The following MAF variants were observed in gnomAD, a reference collection of about 807,000 sequenced individuals.
The protein encoded by MAF is transcription factor Maf.
MAF carries 10 observed loss-of-function variants against 22.0 expected under a neutral mutation model. That is an observed-to-expected ratio of 0.45 (90% confidence interval 0.28 to 0.77). MAF has a LOEUF of 0.77. MAF is among the 30% of genes least tolerant of loss of function. The pLI is 0.12. For missense variants in MAF, 544 were observed against 548.4 expected, an observed-to-expected ratio of 0.99 and a Z score of 0.08; for synonymous variants, 337 against 255.8, an observed-to-expected ratio of 1.32 and a Z score of -3.03.
chr16:79,283,249 A>G, the MAF span, among the ~76,000 whole-genome samples: 31,301 of 152,182 alleles, frequency 0.21, 4,431 homozygotes, highest in African/African-American at 0.41. Context: ...TTTAAACTCA[A>G]TGATGAACAA....
the MAF span, among the ~76,000 whole-genome samples, chr16:79,375,523 T>C: frequency 6.6e-6 from 1 of 152,096 alleles, no homozygotes; most frequent in Non-Finnish European, 1.5e-5. Flanking sequence ...GATATATTAA[T>C]GATGATGGTA....
At chr16:79,221,849 T>C in the MAF span, among the ~76,000 whole-genome samples, 1 of 152,242 alleles carries the variant, frequency 6.6e-6, no homozygotes, top group Non-Finnish European at 1.5e-5. Context: ...AGTTCTGTTA[T>C]TAAAAACAAT....
chr16:79,288,545 C>A, the MAF span, among the ~76,000 whole-genome samples: 1 of 152,288 alleles, frequency 6.6e-6, no homozygotes, highest in African/African-American at 2.4e-5. Context: ...GTGTGAATTC[C>A]TGACACGTGA....
chr16:79,210,137 C>T, the MAF span, among the ~76,000 whole-genome samples: 1 of 152,206 alleles, frequency 6.6e-6, no homozygotes, highest in Non-Finnish European at 1.5e-5. Flanking sequence ...TCACGGTCCA[C>T]ACCCCGCCCA....
At chr16:79,245,648 G>A in the MAF span, among the ~76,000 whole-genome samples, 4 of 152,156 alleles carry the variant, frequency 2.6e-5, no homozygotes, top group African/African-American at 9.6e-5. Context: ...AGACAGTGTG[G>A]CAATTCCTCA....
the MAF span, among the ~76,000 whole-genome samples, chr16:79,388,774 T>C: frequency 6.6e-6 from 1 of 152,232 alleles, no homozygotes; most frequent in African/African-American, 2.4e-5. Context: ...TTAGCACCAT[T>C]GCATTAGCCT....
At chr16:79,296,568 G>A in the MAF span, among the ~76,000 whole-genome samples, 1 of 151,902 alleles carries the variant, frequency 6.6e-6, no homozygotes, top group Admixed American at 6.6e-5. Flanking sequence ...TTCATAAATA[G>A]GCATTTCGGC....
At chr16:79,514,170 C>G in the MAF span, among the ~76,000 whole-genome samples, 1 of 152,236 alleles carries the variant, frequency 6.6e-6, no homozygotes, top group Non-Finnish European at 1.5e-5. Context: ...GGGAAATAAG[C>G]TCTTCCGGCT....
chr16:79,301,882 G>A, the MAF span, among the ~76,000 whole-genome samples: 3 of 152,208 alleles, frequency 2.0e-5, no homozygotes, highest in African/African-American at 7.2e-5. Flanking sequence ...TTACTAGTGG[G>A]GAAAGTGGCT....
At chr16:79,573,349 C>A in the MAF span, among the ~76,000 whole-genome samples, 1 of 152,170 alleles carries the variant, frequency 6.6e-6, no homozygotes. Context: ...TCTTCCATAT[C>A]CCAGATTAAA....
the MAF span, among the ~76,000 whole-genome samples, chr16:79,571,925 C>T: frequency 1.3e-5 from 2 of 152,168 alleles, no homozygotes; most frequent in African/African-American, 4.8e-5. Flanking sequence ...GCAAAATCTC[C>T]CCCTTTCTTT....
the MAF span, among the ~76,000 whole-genome samples, chr16:79,492,898 G>A: frequency 1.3e-5 from 2 of 152,152 alleles, no homozygotes; most frequent in East Asian, 3.9e-4. Context: ...GCTATGAAGG[G>A]GGTCTGCAGA....
chr16:79,595,907 T>G (rs764328092), intron 1 of MAF: 14 of 1,058,832 alleles, frequency 1.3e-5, no homozygotes, highest in Admixed American at 5.4e-5. Context: ...TTAAGACAAA[T>G]GATCTTCAGT....
chr16:79,242,507 T>A, the MAF span, among the ~76,000 whole-genome samples: 1 of 151,852 alleles, frequency 6.6e-6, no homozygotes, highest in Non-Finnish European at 1.5e-5. Context: ...GAGATAACTA[T>A]CCTAAATATA....
the MAF span, among the ~76,000 whole-genome samples, chr16:79,398,672 G>A: frequency 6.7e-6 from 1 of 150,114 alleles, no homozygotes; most frequent in African/African-American, 2.4e-5. Flanking sequence ...TTGACACAAG[G>A]CTCTCTGAGG....
chr16:79,396,253 C>G, the MAF span, among the ~76,000 whole-genome samples: 3 of 152,166 alleles, frequency 2.0e-5, no homozygotes, highest in African/African-American at 7.2e-5. Context: ...CATCCTGGAC[C>G]TACCCCAGTT....
chr16:79,251,808 G>A, the MAF span, among the ~76,000 whole-genome samples: 2 of 152,146 alleles, frequency 1.3e-5, no homozygotes, highest in Non-Finnish European at 2.9e-5. Flanking sequence ...TCTATTCTCC[G>A]ATTTGCCTGG....
the MAF span, among the ~76,000 whole-genome samples, chr16:79,311,396 G>T: frequency 6.6e-6 from 1 of 151,856 alleles, no homozygotes; most frequent in Non-Finnish European, 1.5e-5. Context: ...CGACCCTTTG[G>T]GGCTAATGTG....
chr16:79,399,597 G>A, the MAF span, among the ~76,000 whole-genome samples: 1 of 152,144 alleles, frequency 6.6e-6, no homozygotes, highest in East Asian at 1.9e-4. Flanking sequence ...GCTTGTCACT[G>A]ATACGCCCCA....
Sources: gnomAD v4.1 joint callset for allele counts (sites outside exome capture counted in the v4.1 genomes callset) on GRCh38, gnomAD v4.1.1 for gene constraint, MANE v1.5 for transcripts, NCBI Gene and HGNC (gene_info 2026-07-23, HGNC 2026-07-21) for gene names.